Variants in APOO observed in about 807,000 individuals in gnomAD.
The protein encoded by APOO is MICOS complex subunit MIC26.
Under a neutral mutation model 23.1 loss-of-function variants are expected in APOO, and 11 were observed. The ratio of observed to expected loss-of-function variants is 0.48; its 90% CI spans 0.30 to 0.79. The LOEUF (loss-of-function observed/expected upper bound fraction) is 0.79, where lower values mean the gene tolerates loss of function less well. APOO is among the 30% of genes least tolerant of loss of function. The pLI, the probability that APOO is intolerant of heterozygous loss-of-function variation, is 0.07. For missense variants in APOO, 160 were observed against 142.7 expected, an observed-to-expected ratio of 1.12 and a Z score of -0.62; for synonymous variants, 59 against 54.8, an observed-to-expected ratio of 1.08 and a Z score of -0.34.
At chrX:23,858,279 C>G (rs1924864039) in intron 6 of APOO, among the ~76,000 whole-genome samples, 1 of 111,323 alleles carries the variant, frequency 9.0e-6, no homozygotes, top group African/African-American at 3.3e-5. Context: ...ACAATACCAA[C>G]GAGAGCAGGT....
intron 7 of APOO, among the ~76,000 whole-genome samples, chrX:23,853,617 T>G (rs7890307): frequency 0.4 from 38,599 of 96,186 alleles, 7,477 homozygotes; most frequent in South Asian, 0.71. Context: ...CGTTTTTTTT[T>G]TTTGTTTGTT....
At chrX:23,884,317 G>C (rs1391232921) in intron 1 of APOO, among the ~76,000 whole-genome samples, 1 of 110,889 alleles carries the variant, frequency 9.0e-6, no homozygotes, top group African/African-American at 3.3e-5. Context: ...CCCAAGGAAA[G>C]ATTGCACAGG....
rs2041267920 is a variant in APOO at position 23,842,389 on chromosome X, AAAAC to A, written c.562-2016_562-2013del. Among the ~76,000 whole-genome samples the A allele has an allele frequency of 3.6e-5, 4 of 111,968 alleles. No individual in the cohort carries two copies. The Admixed American group carries it at 3.8e-4, about 11-fold the overall frequency. ...GGGCAACAGAGTGAGACCCTGTCTC[AAAAC>A]AAACAAACAAATGGAATGGGGTAGA... On this transcript the variant is annotated intron_variant, in intron 7 of 8. Coordinates refer to ENST00000379226, the MANE Select transcript of APOO (RefSeq NM_024122.5).
chrX:23,897,119 G>GCT (rs774400290), intron 1 of APOO, among the ~76,000 whole-genome samples: 1 of 111,744 alleles, frequency 8.9e-6, no homozygotes, highest in African/African-American at 3.2e-5. Flanking sequence ...AAAAAATGAG[G>GCT]CTGTTTTCAA....
intron 4 of APOO, among the ~76,000 whole-genome samples, chrX:23,869,776 C>A (rs928723913): frequency 9.2e-6 from 1 of 108,253 alleles, no homozygotes; most frequent in Non-Finnish European, 1.9e-5. Flanking sequence ...ATGGTAAAAC[C>A]CCATCTCTAC....
In APOO at chrX:23,840,348, A is replaced by G. The variant is rs200543468; in HGVS notation, c.591T>C (p.Thr197=). The change falls in exon 8 of 9, where the codon ACT becomes ACC. Residue 197 remains threonine (T), a synonymous_variant. Transcript: ENST00000379226. ...KPGNVKNSPG[T]K Reference sequence around the variant, plus strand: ...TGGCAGAGCATGGAGTTTTCTACTTAGTTCCAGGTGAATTCTTCACATTTC... The same window carrying G: ...TGGCAGAGCATGGAGTTTTCTACTTGGTTCCAGGTGAATTCTTCACATTTC... 1.8e-5 allele frequency: 21 copies of G among 1,198,166 alleles called. No individual in the cohort carries two copies. In the Admixed American group the frequency reaches 4.5e-4, roughly 26 times the overall value.
At chrX:23,856,878 G>A (rs1924807138) in intron 6 of APOO, among the ~76,000 whole-genome samples, 2 of 113,033 alleles carry the variant, frequency 1.8e-5, no homozygotes, top group Non-Finnish European at 3.7e-5. Context: ...TAAAGAAAAT[G>A]TGGTACTTAT....
chrX:23,876,125 G>T (rs1287916260), intron 3 of APOO, among the ~76,000 whole-genome samples: 1 of 110,416 alleles, frequency 9.1e-6, no homozygotes, highest in Non-Finnish European at 1.9e-5. Flanking sequence ...TTAGCCGGGC[G>T]TGGTGGCAGG....
chrX:23,877,367 T>G (rs1256120229), intron 3 of APOO, among the ~76,000 whole-genome samples: 1 of 112,548 alleles, frequency 8.9e-6, no homozygotes, highest in Non-Finnish European at 1.9e-5. Flanking sequence ...ATGGCCTAAT[T>G]CTTATTGTTG....
chrX:23,888,445 T>C (rs1166668803), intron 1 of APOO, among the ~76,000 whole-genome samples: 2 of 112,136 alleles, frequency 1.8e-5, no homozygotes, highest in African/African-American at 6.5e-5. Context: ...GACATGGTAC[T>C]AAACAGATAA....
At chrX:23,889,941 G>T (rs939978526) in intron 1 of APOO, among the ~76,000 whole-genome samples, 1 of 110,238 alleles carries the variant, frequency 9.1e-6, no homozygotes, top group Non-Finnish European at 1.9e-5. Context: ...GATTACAGGC[G>T]TCAGCCACCG....
At chrX:23,904,386 C>T (rs1237624885) in intron 1 of APOO, among the ~76,000 whole-genome samples, 1 of 111,180 alleles carries the variant, frequency 9.0e-6, no homozygotes, top group Non-Finnish European at 1.9e-5. Context: ...TCTCTCTCCT[C>T]CTCCTCTTGC....
intron 1 of APOO, among the ~76,000 whole-genome samples, chrX:23,889,361 C>G (rs1926521256): frequency 9.0e-6 from 1 of 111,124 alleles, no homozygotes; most frequent in Admixed American, 9.7e-5. Flanking sequence ...TGATTATGTT[C>G]CAGTAAAACT....
rs1235365939 is a variant in APOO, at chrX:23,852,995, C to A, written c.561+3307G>T. 2.7e-5 allele frequency among the ~76,000 whole-genome samples: 3 copies of A among 109,584 alleles called. No individual in the cohort carries two copies. The East Asian group carries it at 8.6e-4, about 32-fold the overall frequency. On this transcript the variant is annotated intron_variant, in intron 7 of 8. Transcript: ENST00000379226. The stretch of plus-strand genomic sequence containing the variant: ...AAACAAGGCCGGGCGTGGTGGCTCA[C>A]GCCTGTAATCCCAGCACTTTGGGAG...
chrX:23,882,385 G>A (rs1453495787), intron 1 of APOO, among the ~76,000 whole-genome samples: 1 of 111,919 alleles, frequency 8.9e-6, no homozygotes, highest in Admixed American at 9.6e-5. Context: ...CACATTACAG[G>A]CACTGCAAAT....
At chrX:23,866,118 G>C (rs1289652070) in intron 5 of APOO, among the ~76,000 whole-genome samples, 1 of 110,903 alleles carries the variant, frequency 9.0e-6, no homozygotes, top group Non-Finnish European at 1.9e-5. Flanking sequence ...GGACCTGGAA[G>C]ATTTTCCCAC....
intron 1 of APOO, among the ~76,000 whole-genome samples, chrX:23,902,425 A>T (rs910729448): frequency 5.4e-5 from 6 of 111,319 alleles, no homozygotes; most frequent in African/African-American, 2.0e-4. Flanking sequence ...CTAGATAAGA[A>T]CTGGGTCTTT....
In APOO at chrX:23,890,846, G is replaced by A. The variant is rs1926621299; in HGVS notation, c.10-9894C>T. 4.5e-5 allele frequency among the ~76,000 whole-genome samples: 5 copies of A among 111,671 alleles called. No individual in the cohort carries two copies. In the Admixed American group the frequency reaches 4.8e-4, roughly 11 times the overall value. ...TCAGAATGCAACCCCACCACAAGCT[G>A]AGGAGCATCCGCATTTAAGCACAAA... On this transcript the variant is annotated intron_variant, in intron 1 of 8. Transcript: ENST00000379226.
intron 1 of APOO, among the ~76,000 whole-genome samples, chrX:23,900,668 C>G (rs1220627545): frequency 1.0e-5 from 1 of 97,216 alleles, no homozygotes; most frequent in East Asian, 3.1e-4. Context: ...GGGCAAGACT[C>G]CGGCTCAAAA....
Sources: allele counts gnomAD v4.1 joint callset (sites outside exome capture counted in the v4.1 genomes callset), GRCh38; gene constraint gnomAD v4.1.1; transcripts MANE v1.5; gene names NCBI Gene and HGNC (gene_info 2026-07-23, HGNC 2026-07-21).